Variants in ZNF180 observed in about 807,000 individuals in gnomAD.
ZNF180 encodes the protein zinc finger protein 180.
In ZNF180, 11 loss-of-function variants were observed where a neutral mutation model predicts 11.8. That is an observed-to-expected ratio of 0.93 (90% CI 0.59 to 1.55). The LOEUF (loss-of-function observed/expected upper bound fraction) is 1.55, where lower values mean the gene tolerates loss of function less well. Among genes scored for constraint, ZNF180 ranks in the 40% most tolerant of loss-of-function variants. The pLI is 0.00. For missense variants in ZNF180, 773 were observed against 781.7 expected (o/e 0.99, Z 0.13); for synonymous variants, 287 against 257.7 (o/e 1.11, Z -1.09).
rs1969832937 is a variant in ZNF180, at chr19:44,475,260, CA to C, written c.*1141del. ...GACGGTCAGCACTGAGCCAGGGAAG[CA>C]CCCTTCTATTCAGAGGACTCTCACA... On this transcript the variant is annotated 3_prime_UTR_variant, in exon 5 of 5. Coordinates refer to ENST00000592529, the MANE Select transcript of ZNF180 (RefSeq NM_001278509.3). The C allele has an allele frequency of 6.6e-6, 1 of 152,238 alleles. No homozygotes were observed. The highest frequency in any genetic ancestry group is 6.5e-5 in the Admixed American group (1 of 15,282). The allele number at this position is 152,238 out of a possible 1,614,324, so 9.4% of individuals were successfully genotyped here.
At chr19:44,488,004 C>T (rs964796742) in intron 2 of ZNF180, among the ~76,000 whole-genome samples, 3 of 152,268 alleles carry the variant, frequency 2.0e-5, no homozygotes, top group African/African-American at 7.2e-5. Context: ...GGATTACAGG[C>T]GTGAGCCACC....
intron 2 of ZNF180, among the ~76,000 whole-genome samples, chr19:44,488,110 TCCACGG>T (rs1970283724): frequency 1.6e-5 from 1 of 63,434 alleles, no homozygotes; most frequent in Non-Finnish European, 3.6e-5. Context: ...TCCCTCTCTT[TCCACGG>T]TCTCCCTCTC....
Position 44,476,271 on chromosome 19 carries a change from A to G in ZNF180, c.*131T>C, listed in dbSNP as rs990448329. 4.4e-6 allele frequency: 4 copies of G among 906,618 alleles called. No homozygotes were observed. The African/African-American group carries it at 5.1e-5, about 12-fold the overall frequency. 56.2% of individuals were successfully genotyped at this position (906,618 alleles called of 1,614,324 possible). ...TTCCAGAACAAATTTGAGACACACAATTAACAGAGGGCTGGAAGTTTTCCC... is the reference window on the plus strand; with the variant it reads ...TTCCAGAACAAATTTGAGACACACAGTTAACAGAGGGCTGGAAGTTTTCCC... On this transcript the variant is annotated 3_prime_UTR_variant, in exon 5 of 5. Transcript: ENST00000592529.
In ZNF180 at chr19:44,474,617, C is replaced by T. The variant is rs905781229; in HGVS notation, c.*1785G>A. Reference sequence around the variant, plus strand: ...TTTCAGCATCTGTTTTTCTCATATCCCCTTTGTGCTTCTTAAAGATGGTTA... The same window carrying T: ...TTTCAGCATCTGTTTTTCTCATATCTCCTTTGTGCTTCTTAAAGATGGTTA... On this transcript the variant is annotated 3_prime_UTR_variant, in exon 5 of 5. Transcript: ENST00000592529. 1.3e-5 allele frequency: 2 copies of T among 152,050 alleles called. No individual in the cohort carries two copies. Among genetic ancestry groups the T allele is most frequent in the African/African-American group, 4.8e-5 (2 of 41,380 alleles). 9.4% of individuals were successfully genotyped at this position (152,050 alleles called of 1,614,324 possible). A position where few individuals can be genotyped will look rare whatever the true frequency, so the allele number is the denominator to read the frequency against.
In ZNF180 at chr19:44,477,122, A is replaced by G; in HGVS notation, c.1278T>C (p.Ile426=). 1.2e-6 allele frequency: 2 copies of G among 1,613,162 alleles called. No individual in the cohort carries two copies. The highest frequency in any genetic ancestry group is 1.7e-6 in the Non-Finnish European group (2 of 1,179,196). ...GKSFRQSYKL[I]AHQRTHTGEK... is the part of the protein sequence containing the mutation. Reference sequence around the variant, plus strand: ...CTCCGGTATGTGTTCTTTGATGTGCAATAAGTTTATAGCTCTGCCTGAATG... The same window carrying G: ...CTCCGGTATGTGTTCTTTGATGTGCGATAAGTTTATAGCTCTGCCTGAATG... Residue 426 remains isoleucine (I), a synonymous_variant, in exon 5 of 5, where the codon ATT becomes ATC. Coordinates refer to ENST00000592529, the MANE Select transcript of ZNF180 (RefSeq NM_001278509.3).
intron 1 of ZNF180, among the ~76,000 whole-genome samples, chr19:44,498,135 A>C (rs1970637868): frequency 1.3e-5 from 2 of 152,068 alleles, no homozygotes; most frequent in South Asian, 4.2e-4. Flanking sequence ...CCCTCCACCA[A>C]CTTGGGTATA....
intron 2 of ZNF180, among the ~76,000 whole-genome samples, chr19:44,485,544 C>T (rs1187283458): frequency 1.3e-5 from 2 of 152,154 alleles, no homozygotes; most frequent in South Asian, 2.1e-4. Context: ...CTGACCACGT[C>T]GGGTGTTTTT....
At chr19:44,500,066 T>C (rs1600103432) in intron 1 of ZNF180, 1 of 1,378,720 alleles carries the variant, frequency 7.3e-7, no homozygotes, top group Non-Finnish European at 1.0e-6. Flanking sequence ...GAGCACCACC[T>C]GACCAAGCAC....
Position 44,476,586 on chromosome 19 carries a change from G to T in ZNF180, c.1814C>A (p.Pro605Gln). 6.2e-7 allele frequency: 1 copy of T among 1,614,082 alleles called. No individual in the cohort carries two copies. The highest frequency in any genetic ancestry group is 8.5e-7 in the Non-Finnish European group (1 of 1,179,980). The change falls in exon 5 of 5, where the codon CCA becomes CAA. Residue 605 changes from proline (P) to glutamine (Q), a missense_variant. Physicochemically the swap from Pro to Gln is moderately conservative, Grantham distance 76 (BLOSUM62 -1). Transcript: ENST00000592529. ...QHQRTHTGEK[P>Q]FECNQCGKTF... ...TTTTCCACACTGATTACATTCAAAT[G>T]GTTTCTCTCCAGTATGAGTTCTCTG...
At chr19:44,494,056 G>A (rs1970514714) in intron 2 of ZNF180, among the ~76,000 whole-genome samples, 1 of 152,166 alleles carries the variant, frequency 6.6e-6, no homozygotes, top group South Asian at 2.1e-4. Context: ...AAATTTTGGG[G>A]TATGTAATAA....
intron 2 of ZNF180, among the ~76,000 whole-genome samples, chr19:44,490,173 A>ACGAT (rs1555736714): frequency 1.0e-4 from 1 of 10,016 alleles, no homozygotes; most frequent in African/African-American, 2.3e-4. Flanking sequence ...GAAGGGAGGG[A>ACGAT]GGGAGGGAGG....
intron 3 of ZNF180, among the ~76,000 whole-genome samples, chr19:44,483,173 A>G (rs1035622406): frequency 6.6e-6 from 1 of 152,156 alleles, no homozygotes; most frequent in African/African-American, 2.4e-5. Context: ...AATGTCTACT[A>G]TTACCACTAC....
chr19:44,492,766 A>C (rs750936901), intron 2 of ZNF180, among the ~76,000 whole-genome samples: 77 of 137,448 alleles, frequency 5.6e-4, no homozygotes, highest in Non-Finnish European at 1.5e-4. Context: ...CTCAATTCTC[A>C]GAGCTTTGCT....
rs766117436 is a variant in ZNF180, at chr19:44,476,495, T to C, written c.1905A>G (p.Thr635=). ...QRTHTGEKPF[T]CIQCGKAFIN... The stretch of plus-strand genomic sequence containing the variant: ...TGAAAGCTTTTCCACACTGAATACA[T>C]GTAAAGGGTTTCTCTCCAGTATGAG... Residue 635 remains threonine (T), a synonymous_variant, in exon 5 of 5, where the codon ACA becomes ACG. Transcript: ENST00000592529. The C allele has an allele frequency of 1.1e-5, 17 of 1,614,144 alleles. No individual in the cohort carries two copies. Among genetic ancestry groups the C allele is most frequent in the Non-Finnish European group, 1.3e-5 (15 of 1,179,992 alleles).
At chr19:44,488,368 G>C (rs1003497875) in intron 2 of ZNF180, among the ~76,000 whole-genome samples, 10 of 152,106 alleles carry the variant, frequency 6.6e-5, no homozygotes, top group African/African-American at 2.4e-4. Context: ...CTCCCTGCCT[G>C]ATTCTCCTGC....
At chr19:44,489,197 G>GTACCC (rs1970351624) in intron 2 of ZNF180, among the ~76,000 whole-genome samples, 5 of 59,502 alleles carry the variant, frequency 8.4e-5, no homozygotes, top group Non-Finnish European at 1.3e-4. Flanking sequence ...TCTGGGAGGT[G>GTACCC]AGGGGCGCCT....
At chr19:44,478,805 C>T (rs1970001104) in intron 4 of ZNF180, among the ~76,000 whole-genome samples, 1 of 152,106 alleles carries the variant, frequency 6.6e-6, no homozygotes, top group East Asian at 1.9e-4. Flanking sequence ...ATACAGTCCA[C>T]CAGGAGGTGG....
chr19:44,482,714 T>C (rs189392921), intron 3 of ZNF180, among the ~76,000 whole-genome samples: 22 of 152,372 alleles, frequency 1.4e-4, no homozygotes, highest in Admixed American at 9.8e-4. Context: ...GAAGCACTTA[T>C]GAGTTTGCAT....
At position 44,495,668 on chromosome 19, in the gene ZNF180, C is replaced by T. The variant is rs2686772; in HGVS notation, c.51+1616G>A. Among the ~76,000 whole-genome samples, 37,999 of 152,114 alleles carry T rather than the reference C, an allele frequency of 0.25. 5,996 individuals carry two copies. The highest frequency in any genetic ancestry group is 0.39 in the South Asian group (1,883 of 4,828). On this transcript the variant is annotated intron_variant, in intron 2 of 4. Transcript: ENST00000592529. The surrounding 1 kb of genome is among the most constrained non-coding windows in gnomAD (Gnocchi z 4.5). Reference sequence around the variant, plus strand: ...TTGCTCACCTGCTCTGACCCCATCACCCCACACCAGATCTCCATATATGGA... The same window carrying T: ...TTGCTCACCTGCTCTGACCCCATCATCCCACACCAGATCTCCATATATGGA...
Sources: allele counts gnomAD v4.1 joint callset (sites outside exome capture counted in the v4.1 genomes callset), GRCh38; gene constraint gnomAD v4.1.1; non-coding constraint Gnocchi (gnomAD v3.1); transcripts MANE v1.5; gene names NCBI Gene and HGNC (gene_info 2026-07-23, HGNC 2026-07-21).